Variants in KHDRBS2 observed in about 807,000 individuals in gnomAD.
KHDRBS2 encodes KH RNA binding domain containing, signal transduction associated 2.
KHDRBS2 carries 26 observed loss-of-function variants against 44.3 expected under a neutral mutation model. The observed-to-expected ratio is 0.59, with a 90% CI of 0.43 to 0.81. KHDRBS2 has a LOEUF of 0.81. Ranked by LOEUF, KHDRBS2 falls within the 40% of genes least tolerant of loss-of-function variation. The pLI, the probability that KHDRBS2 is intolerant of heterozygous loss-of-function variation, is 0.00. For synonymous variants in KHDRBS2, 194 were observed against 151.1 expected, an observed-to-expected ratio of 1.28 and a Z score of -2.08; for missense variants, 476 against 433.1, an observed-to-expected ratio of 1.10 and a Z score of -0.88.
the KHDRBS2 span, among the ~76,000 whole-genome samples, chr6:61,624,876 C>T: frequency 6.6e-6 from 1 of 152,214 alleles, no homozygotes; most frequent in South Asian, 2.1e-4. Flanking sequence ...CTTGGAGGTC[C>T]TAGTCTGCAA....
At chr6:62,243,790 T>C (rs1361082515) in intron 1 of KHDRBS2, among the ~76,000 whole-genome samples, 1 of 152,092 alleles carries the variant, frequency 6.6e-6, no homozygotes, top group Non-Finnish European at 1.5e-5. Flanking sequence ...TCACCAACAC[T>C]GCAGAGCTGC....
chr6:62,081,850 G>T (rs374016885), intron 2 of KHDRBS2, among the ~76,000 whole-genome samples: 5 of 151,812 alleles, frequency 3.3e-5, no homozygotes, highest in Non-Finnish European at 7.4e-5. Flanking sequence ...AGAAAAAAGA[G>T]AAATTATATA....
intron 2 of KHDRBS2, among the ~76,000 whole-genome samples, chr6:62,072,069 T>G (rs1795255986): frequency 6.6e-6 from 1 of 152,170 alleles, no homozygotes; most frequent in Non-Finnish European, 1.5e-5. Context: ...CCCTTGCAAG[T>G]TGGATTCCTA....
At chr6:61,718,837 T>C (rs1185684327) in intron 7 of KHDRBS2, among the ~76,000 whole-genome samples, 1 of 152,170 alleles carries the variant, frequency 6.6e-6, no homozygotes, top group African/African-American at 2.4e-5. Context: ...ACTCGTCCAC[T>C]GAAAATAGTT....
intron 6 of KHDRBS2, among the ~76,000 whole-genome samples, chr6:61,738,101 T>G (rs1390046766): frequency 6.6e-6 from 1 of 151,998 alleles, no homozygotes; most frequent in Admixed American, 6.6e-5. Flanking sequence ...TTTTGCTATT[T>G]GAAGACATTA....
chr6:61,837,502 C>T (rs1437444722), intron 6 of KHDRBS2, among the ~76,000 whole-genome samples: 1 of 151,958 alleles, frequency 6.6e-6, no homozygotes, highest in African/African-American at 2.4e-5. Flanking sequence ...TATTGTAAGA[C>T]AATGTTCAAA....
At chr6:61,718,805 G>C (rs1441829665) in intron 7 of KHDRBS2, among the ~76,000 whole-genome samples, 1 of 151,986 alleles carries the variant, frequency 6.6e-6, no homozygotes, top group African/African-American at 2.4e-5. Context: ...TATCTTCAGG[G>C]GACTAAATTG....
chr6:61,955,282 T>A (rs9453726), intron 4 of KHDRBS2, among the ~76,000 whole-genome samples: 46,556 of 127,450 alleles, frequency 0.37, 8,719 homozygotes, highest in Middle Eastern at 0.53. Flanking sequence ...GTAAATATAC[T>A]CATACGTATG....
intron 3 of KHDRBS2, among the ~76,000 whole-genome samples, chr6:62,033,625 G>GAT (rs996575957): frequency 5.3e-5 from 8 of 150,424 alleles, no homozygotes; most frequent in South Asian, 2.1e-4. Flanking sequence ...TATATATCCA[G>GAT]ATATATATAT....
intron 2 of KHDRBS2, among the ~76,000 whole-genome samples, chr6:62,131,231 A>G (rs181711280): frequency 1.3e-3 from 195 of 152,274 alleles, no homozygotes; most frequent in African/African-American, 4.5e-3. Context: ...ATTGAGACTG[A>G]TTTTGAATCT....
the KHDRBS2 span, among the ~76,000 whole-genome samples, chr6:61,673,931 G>A: frequency 6.6e-6 from 1 of 151,134 alleles, no homozygotes; most frequent in East Asian, 2.0e-4. Flanking sequence ...CTACTTTAAA[G>A]TTCATATGGA....
At chr6:61,756,770 G>T (rs753001357) in intron 6 of KHDRBS2, among the ~76,000 whole-genome samples, 11 of 152,202 alleles carry the variant, frequency 7.2e-5, no homozygotes, top group Admixed American at 4.6e-4. Flanking sequence ...GTAGACACAG[G>T]TATGCACCAG....
the KHDRBS2 span, among the ~76,000 whole-genome samples, chr6:61,583,168 A>G: frequency 1.3e-5 from 2 of 151,820 alleles, no homozygotes; most frequent in Admixed American, 6.6e-5. Context: ...TCTGAGAAGT[A>G]TGATCTGATT....
intron 6 of KHDRBS2, among the ~76,000 whole-genome samples, chr6:61,856,772 A>G (rs1164540147): frequency 6.6e-6 from 1 of 152,020 alleles, no homozygotes; most frequent in Non-Finnish European, 1.5e-5. Flanking sequence ...GCTAAACTCC[A>G]ACTGTAGTGG....
chr6:61,755,276 CT>C (rs1399835147), intron 6 of KHDRBS2, among the ~76,000 whole-genome samples: 3 of 152,040 alleles, frequency 2.0e-5, no homozygotes, highest in Non-Finnish European at 4.4e-5. Context: ...CTGAATTGAT[CT>C]GTTTTAGCTA....
chr6:62,155,793 G>A (rs1486329973), intron 2 of KHDRBS2, among the ~76,000 whole-genome samples: 2 of 152,142 alleles, frequency 1.3e-5, no homozygotes, highest in African/African-American at 2.4e-5. Context: ...AAATACAAGA[G>A]TTCACATAAG....
intron 2 of KHDRBS2, among the ~76,000 whole-genome samples, chr6:62,116,897 A>G (rs891317917): frequency 1.3e-5 from 2 of 152,130 alleles, no homozygotes; most frequent in Non-Finnish European, 2.9e-5. Context: ...TTTTCACTTA[A>G]TATAATGACC....
chr6:61,573,008 T>C, the KHDRBS2 span, among the ~76,000 whole-genome samples: 49 of 152,196 alleles, frequency 3.2e-4, 1 homozygote, highest in East Asian at 8.1e-3. Flanking sequence ...GCATTCAAAT[T>C]GGTAAAGACA....
At chr6:61,814,007 G>A in intron 6 of KHDRBS2, 1 of 455,922 alleles carries the variant, frequency 2.2e-6, no homozygotes, top group Non-Finnish European at 4.4e-6. Flanking sequence ...CCTGGGTTAA[G>A]TCTGGTTGAA....
Sources: allele counts gnomAD v4.1 joint callset (sites outside exome capture counted in the v4.1 genomes callset), GRCh38; gene constraint gnomAD v4.1.1; transcripts MANE v1.5; gene names NCBI Gene and HGNC (gene_info 2026-07-23, HGNC 2026-07-21).